The following FAM227B variants were observed in gnomAD, a reference collection of about 807,000 sequenced individuals.
The protein encoded by FAM227B is protein FAM227B.
A neutral mutation model predicts 73.8 loss-of-function variants in FAM227B; 88 were observed. The observed-to-expected ratio is 1.19, with a 90% confidence interval of 1.00 to 1.42. FAM227B has a LOEUF of 1.42. Ranked by LOEUF, FAM227B falls within the 40% of genes most tolerant of loss-of-function variation. The pLI, the probability that FAM227B is intolerant of heterozygous loss-of-function variation, is 0.00. For synonymous variants in FAM227B, 210 were observed against 190.5 expected, an observed-to-expected ratio of 1.10 and a Z score of -0.84; for missense variants, 632 against 590.9, an observed-to-expected ratio of 1.07 and a Z score of -0.72.
At chr15:49,552,837 GTTAAGT>G (rs1263960308) in intron 9 of FAM227B, among the ~76,000 whole-genome samples, 2 of 151,894 alleles carry the variant, frequency 1.3e-5, no homozygotes, top group African/African-American at 2.4e-5. Flanking sequence ...CTATCTCTTT[GTTAAGT>G]TTATCTGATA....
At chr15:49,424,242 A>T (rs971818661) in intron 11 of FAM227B, 10 of 1,484,890 alleles carry the variant, frequency 6.7e-6, no homozygotes, top group Admixed American at 1.7e-5. Context: ...AGTAACAATC[A>T]ACTCAAGATT....
At chr15:49,551,904 CTT>C (rs1178930901) in intron 9 of FAM227B, among the ~76,000 whole-genome samples, 4 of 152,228 alleles carry the variant, frequency 2.6e-5, no homozygotes, top group Non-Finnish European at 4.4e-5. Flanking sequence ...CTTTTTAACT[CTT>C]TGTTGTTTCT....
Position 49,562,108 on chromosome 15 carries a change from T to C in FAM227B, c.747+6137A>G, listed in dbSNP as rs1186769758. Among the ~76,000 whole-genome samples, 3 of 151,730 alleles carry C rather than the reference T, an allele frequency of 2.0e-5. No individual in the cohort carries two copies. In the East Asian group the frequency reaches 5.8e-4, roughly 29 times the overall value. On this transcript the variant is annotated intron_variant, in intron 9 of 15. Transcript: ENST00000299338. ...AATGTCAATAGACCACTAGCTAGAT[T>C]AATAAAGAGAAAAAAGGAGAAGATC... is the stretch of plus-strand genomic sequence containing the variant.
At position 49,337,579 on chromosome 15, in the gene FAM227B, GGTTT is replaced by G. The variant is rs565865132; in HGVS notation, c.1272-2087_1272-2084del. ...CTGGGATACATGTGCAGAACATGCA[GGTTT>G]GTTACATAGGTATACATGTGCCATG... On this transcript the variant is annotated intron_variant, in intron 13 of 15. Coordinates refer to ENST00000299338, the MANE Select transcript of FAM227B (RefSeq NM_152647.3). Among the ~76,000 whole-genome samples the G allele has an allele frequency of 2.3e-3, 307 of 136,084 alleles. 2 individuals carry two copies. Among genetic ancestry groups the G allele is most frequent in the African/African-American group, 8.3e-3 (293 of 35,510 alleles). The allele number at this position is 136,084 out of a possible 152,430, so 89.3% of individuals were successfully genotyped here.
At chr15:49,358,149 C>G (rs2043509199) in intron 13 of FAM227B, among the ~76,000 whole-genome samples, 1 of 151,672 alleles carries the variant, frequency 6.6e-6, no homozygotes. Flanking sequence ...TGGGCAAAAA[C>G]TGGAAGCATT....
Position 49,589,829 on chromosome 15 carries a change from A to G in FAM227B, c.284T>C (p.Leu95Ser), listed in dbSNP as rs1217714696. 1.9e-6 allele frequency: 3 copies of G among 1,610,450 alleles called. No homozygotes were observed. The highest frequency in any genetic ancestry group is 4.5e-5 in the East Asian group (2 of 44,806). Residue 95 changes from leucine to serine, a missense_variant, in exon 4 of 16, where the codon TTG (leucine) becomes TCG (serine). Leu to Ser is a moderately radical substitution (Grantham distance 145). Coordinates refer to ENST00000299338, the MANE Select transcript of FAM227B (RefSeq NM_152647.3). The part of the protein sequence containing the change: ...ESKLKEYSLI[L>S]QNHTSEIFKW... ...AAATATTTCAGAGGTGTGGTTTTGC[A>G]AAATAAGTGAATATTCCTTTAATTT...
intron 11 of FAM227B, among the ~76,000 whole-genome samples, chr15:49,419,648 T>C (rs957556479): frequency 6.6e-6 from 1 of 152,178 alleles, no homozygotes; most frequent in Non-Finnish European, 1.5e-5. Context: ...TCATATGCCT[T>C]AATAAAACAC....
chr15:49,548,948 A>C (rs2072374536), intron 9 of FAM227B, among the ~76,000 whole-genome samples: 1 of 152,196 alleles, frequency 6.6e-6, no homozygotes, highest in African/African-American at 2.4e-5. Flanking sequence ...CTTTTCAAAA[A>C]ACAAACTTGT....
At chr15:49,588,474 CAATAT>C (rs1269076153) in intron 4 of FAM227B, among the ~76,000 whole-genome samples, 1 of 142,562 alleles carries the variant, frequency 7.0e-6, no homozygotes, top group Non-Finnish European at 1.5e-5. Flanking sequence ...CACAGTGAGA[CAATAT>C]GGGGGGCTCT....
In FAM227B at chr15:49,328,443, A is replaced by G. The variant is rs1461783947; in HGVS notation, c.*125T>C. The G allele has an allele frequency of 6.2e-5, 90 of 1,459,064 alleles. No homozygotes were observed. Among genetic ancestry groups the G allele is most frequent in the Non-Finnish European group, 7.9e-5 (87 of 1,106,372 alleles). 90.4% of individuals were successfully genotyped at this position (1,459,064 alleles called of 1,614,324 possible). A position where few individuals can be genotyped will look rare whatever the true frequency, so the allele number is the denominator to read the frequency against. ...ATTGATTTGAAGATTTTAAAGATGA[A>G]TGGTAAAACACACTCTTAATACTGA... On this transcript the variant is annotated 3_prime_UTR_variant, in exon 16 of 16. Transcript: ENST00000299338.
chr15:49,530,862 A>C (rs915733218), intron 10 of FAM227B, among the ~76,000 whole-genome samples: 11 of 133,718 alleles, frequency 8.2e-5, no homozygotes, highest in Non-Finnish European at 1.6e-4. Flanking sequence ...CTGTAAATAT[A>C]AAGAAATATA....
intron 11 of FAM227B, among the ~76,000 whole-genome samples, chr15:49,427,825 T>C (rs2050257835): frequency 6.6e-6 from 1 of 151,780 alleles, no homozygotes; most frequent in Admixed American, 6.6e-5. Flanking sequence ...TGGGCTCGGG[T>C]AGATGGTTGG....
intron 11 of FAM227B, among the ~76,000 whole-genome samples, chr15:49,438,795 G>T (rs1429128989): frequency 2.0e-5 from 3 of 151,302 alleles, no homozygotes; most frequent in Admixed American, 2.0e-4. Context: ...TTCTTGAATA[G>T]ATTACAGTTG....
intron 11 of FAM227B, among the ~76,000 whole-genome samples, chr15:49,496,413 A>G (rs1402517887): frequency 6.6e-6 from 1 of 152,212 alleles, no homozygotes; most frequent in Non-Finnish European, 1.5e-5. Flanking sequence ...AATGATCTTT[A>G]TTTGAGTTCA....
intron 9 of FAM227B, among the ~76,000 whole-genome samples, chr15:49,554,967 G>T (rs2089471): frequency 0.9 from 136,834 of 152,096 alleles, 62,693 homozygotes; most frequent in East Asian, 0.99. Context: ...TTTGAGCCTG[G>T]GGGTATCACT....
intron 3 of FAM227B, among the ~76,000 whole-genome samples, chr15:49,600,509 C>T (rs1241218825): frequency 6.6e-6 from 1 of 151,044 alleles, no homozygotes; most frequent in Admixed American, 6.6e-5. Flanking sequence ...TAAAAATTAC[C>T]CAGGTGTGGT....
At chr15:49,545,300 T>C (rs1305354015) in intron 9 of FAM227B, among the ~76,000 whole-genome samples, 2 of 152,184 alleles carry the variant, frequency 1.3e-5, no homozygotes, top group African/African-American at 2.4e-5. Flanking sequence ...GTGTTCATAG[T>C]AGCCCTAAAT....
chr15:49,507,007 G>T (rs1344281385), intron 11 of FAM227B, among the ~76,000 whole-genome samples: 2 of 151,960 alleles, frequency 1.3e-5, no homozygotes, highest in African/African-American at 4.8e-5. Context: ...GTGAGGGTGA[G>T]AAGTCAAAAC....
intron 13 of FAM227B, among the ~76,000 whole-genome samples, chr15:49,359,026 G>C (rs1158811014): frequency 6.6e-6 from 1 of 151,984 alleles, no homozygotes; most frequent in Non-Finnish European, 1.5e-5. Flanking sequence ...GGGAAAACTG[G>C]CTAGCCATAT....
Sources: allele counts gnomAD v4.1 joint callset (sites outside exome capture counted in the v4.1 genomes callset), GRCh38; gene constraint gnomAD v4.1.1; transcripts MANE v1.5; gene names NCBI Gene and HGNC (gene_info 2026-07-23, HGNC 2026-07-21).